The following ATG14 variants were observed in gnomAD, a reference collection of about 807,000 sequenced individuals.
The protein encoded by ATG14 is autophagy related 14.
A neutral mutation model predicts 60.4 loss-of-function variants in ATG14; 35 were observed. The observed-to-expected ratio is 0.58, with a 90% CI of 0.44 to 0.77. ATG14 has a LOEUF of 0.77. Among genes scored for constraint, ATG14 ranks in the 30% least tolerant of loss-of-function variants. The pLI, the probability that ATG14 is intolerant of heterozygous loss-of-function variation, is 0.00. For synonymous variants in ATG14, 234 were observed against 228.8 expected (o/e 1.02, Z -0.21); for missense variants, 647 against 626.3 (o/e 1.03, Z -0.35).
intron 4 of ATG14, 99 bp downstream of exon 4, chr14:55,390,812 C>T: frequency 1.3e-6 from 1 of 794,942 alleles, no homozygotes; most frequent in Admixed American, 3.0e-5. Context: ...GCCACTGCCC[C>T]ACCATCCCCT....
At chr14:55,381,442 C>T (rs974717057) in intron 6 of ATG14, among the ~76,000 whole-genome samples, 4 of 152,180 alleles carry the variant, frequency 2.6e-5, no homozygotes, top group Non-Finnish European at 5.9e-5. Flanking sequence ...ATAACGTCCT[C>T]TTACATAAAC....
chr14:55,380,855 GTA>G (rs1555341865), intron 6 of ATG14, among the ~76,000 whole-genome samples, 165 bp from the exon 7 acceptor site: 33 of 118,060 alleles, frequency 2.8e-4, no homozygotes, highest in Middle Eastern at 4.6e-3. Flanking sequence ...TTCTTTGTGT[GTA>G]TATATATATA....
chr14:55,377,768 C>CT (rs1458462337), intron 9 of ATG14, 51 bp downstream of exon 9: 4 of 1,377,350 alleles, frequency 2.9e-6, no homozygotes, highest in South Asian at 1.4e-5. Flanking sequence ...TACAACTCCT[C>CT]TAACAGGATT....
At chr14:55,403,258 C>CT (rs1885439611) in intron 1 of ATG14, among the ~76,000 whole-genome samples, 1 of 151,970 alleles carries the variant, frequency 6.6e-6, no homozygotes, top group Non-Finnish European at 1.5e-5. Context: ...CATATGCCAG[C>CT]TTTCCATTTC....
chr14:55,411,722 T>C lies in ATG14; in HGVS notation c.101A>G (p.Glu34Gly). 1.2e-6 allele frequency: 2 copies of C among 1,612,038 alleles called. No individual in the cohort carries two copies. Among genetic ancestry groups the C allele is most frequent in the South Asian group, 2.2e-5 (2 of 90,762 alleles). The change falls in exon 1 of 10, where the codon GAG becomes GGG. Residue 34 changes from glutamate to glycine, a missense_variant. Coordinates refer to ENST00000247178, the MANE Select transcript of ATG14 (RefSeq NM_014924.5). ...RDLVDSVDDA[E>G]GLYVAVERCP... ...GCGCTCCACAGCCACGTACAGCCCC[T>C]CCGCATCGTCCACGGAGTCCACCAG...
chr14:55,398,101 C>T (rs890235985), intron 1 of ATG14, among the ~76,000 whole-genome samples: 5 of 152,032 alleles, frequency 3.3e-5, no homozygotes, highest in Admixed American at 2.0e-4. Context: ...GCGCCTGCCA[C>T]CATGCCCAGC....
intron 3 of ATG14, among the ~76,000 whole-genome samples, chr14:55,393,452 A>G (rs1228930392): frequency 6.6e-6 from 1 of 152,156 alleles, no homozygotes; most frequent in Non-Finnish European, 1.5e-5. Context: ...ATTACACATT[A>G]CAGAAGAAAA....
chr14:55,384,972 A>G (rs79554957), intron 5 of ATG14, among the ~76,000 whole-genome samples: 8,839 of 152,210 alleles, frequency 0.058, 324 homozygotes, highest in South Asian at 0.089. Context: ...CAGATGGGGG[A>G]ACCACTGTCC....
Position 55,369,730 on chromosome 14 carries a change from A to G in ATG14, c.1368T>C (p.Ser456=), listed in dbSNP as rs1423921782. The change falls in exon 10 of 10, where the codon AGT becomes AGC. Residue 456 remains serine, a synonymous_variant. Transcript: ENST00000247178. ...TGGGTGGGGACGCCTGGGTGCTCTG[A>G]CTCTGGGAGACTTCCACAGACTGGG... is the stretch of plus-strand genomic sequence containing the variant. The part of the protein sequence containing the change: ...IPSQSVEVSQ[S]QSTQASPPIA... 6.2e-7 allele frequency: 1 copy of G among 1,613,456 alleles called. No individual in the cohort carries two copies. Among genetic ancestry groups the G allele is most frequent in the Non-Finnish European group, 8.5e-7 (1 of 1,179,552 alleles).
intron 1 of ATG14, among the ~76,000 whole-genome samples, chr14:55,399,466 G>T (rs940286956): frequency 3.9e-5 from 6 of 152,142 alleles, no homozygotes; most frequent in African/African-American, 1.4e-4. Flanking sequence ...AACCAATGTG[G>T]AATGTGGATG....
chr14:55,393,184 A>C (rs890897747), intron 3 of ATG14, among the ~76,000 whole-genome samples: 1 of 152,028 alleles, frequency 6.6e-6, no homozygotes, highest in Non-Finnish European at 1.5e-5. Flanking sequence ...GATTGAGACC[A>C]TCCTGGCTAA....
chr14:55,402,953 ATATATATATAT>A (rs1885431736), intron 1 of ATG14, among the ~76,000 whole-genome samples: 1 of 77,274 alleles, frequency 1.3e-5, no homozygotes, highest in South Asian at 4.8e-4. Flanking sequence ...ATATATATAT[ATATATATATAT>A]ATATAAATAG....
chr14:55,407,867 G>T (rs1207404329), intron 1 of ATG14, among the ~76,000 whole-genome samples: 2 of 152,264 alleles, frequency 1.3e-5, no homozygotes, highest in South Asian at 4.1e-4. Flanking sequence ...TGGCCTTTAA[G>T]TTGAATGGTG....
chr14:55,400,531 A>G (rs1885379974), intron 1 of ATG14, among the ~76,000 whole-genome samples: 1 of 152,220 alleles, frequency 6.6e-6, no homozygotes, highest in South Asian at 2.1e-4. Context: ...AATTTTCACT[A>G]TGATCAGTAA....
In ATG14 at chr14:55,367,354, ACT is replaced by A. The variant is rs757672609; in HGVS notation, c.*2263_*2264del. 6.6e-6 allele frequency: 1 copy of A among 152,164 alleles called. No homozygotes were observed. The highest frequency in any genetic ancestry group is 1.9e-4 in the East Asian group (1 of 5,196). 9.4% of individuals were successfully genotyped at this position (152,164 alleles called of 1,614,324 possible). On this transcript the variant is annotated 3_prime_UTR_variant, in exon 10 of 10. Coordinates refer to ENST00000247178, the MANE Select transcript of ATG14 (RefSeq NM_014924.5). ...TTATCTGTTCAAGTCTACCATCTTC[ACT>A]CTCTACGAACTCCAGAACTGGATGG...
At chr14:55,374,289 C>T (rs1163088657) in intron 9 of ATG14, among the ~76,000 whole-genome samples, 1 of 152,092 alleles carries the variant, frequency 6.6e-6, no homozygotes, top group Non-Finnish European at 1.5e-5. Flanking sequence ...CAAAAGTGAT[C>T]ACAGTTCACT....
intron 4 of ATG14, among the ~76,000 whole-genome samples, chr14:55,387,227 T>C (rs997796577): frequency 9.2e-5 from 14 of 152,142 alleles, no homozygotes; most frequent in African/African-American, 3.1e-4. Context: ...CTCCTCCAAA[T>C]TGGTACATAT....
intron 9 of ATG14, among the ~76,000 whole-genome samples, chr14:55,371,089 G>A (rs1240122834): frequency 7.2e-5 from 11 of 152,166 alleles, no homozygotes; most frequent in Non-Finnish European, 1.2e-4. Flanking sequence ...GTGGGACCAA[G>A]GTGCCGCTCT....
intron 3 of ATG14, among the ~76,000 whole-genome samples, chr14:55,394,311 T>C (rs1228431348): frequency 1.3e-5 from 2 of 152,156 alleles, no homozygotes; most frequent in Non-Finnish European, 2.9e-5. Flanking sequence ...GGCCCTTTTT[T>C]TCCTTCATAA....
Sources: allele counts gnomAD v4.1 joint callset (sites outside exome capture counted in the v4.1 genomes callset), GRCh38; gene constraint gnomAD v4.1.1; transcripts MANE v1.5; gene names NCBI Gene and HGNC (gene_info 2026-07-23, HGNC 2026-07-21).